The following GLIS1 variants were observed in gnomAD, a reference collection of about 807,000 sequenced individuals.
GLIS1 encodes GLIS family zinc finger 1, also known as zinc finger protein GLIS1.
Under a neutral mutation model 63.8 loss-of-function variants are expected in GLIS1, and 24 were observed. That is an observed-to-expected ratio of 0.38 (90% confidence interval 0.27 to 0.53). The LOEUF is 0.53. GLIS1 is among the 20% of genes least tolerant of loss of function. GLIS1 has a pLI of 0.85. For synonymous variants in GLIS1, 450 were observed against 482.5 expected (o/e 0.93, Z 0.88); for missense variants, 1,036 against 1,074.1 (o/e 0.96, Z 0.50).
chr1:53,667,673 A>G (rs3006906), intron 2 of GLIS1, among the ~76,000 whole-genome samples: 144,347 of 152,284 alleles, frequency 0.95, 68,920 homozygotes, highest in Middle Eastern at 1. Context: ...TTTTCACAGC[A>G]TTTTGAAGGC....
At chr1:53,551,594 C>A (rs966562014) in intron 4 of GLIS1, among the ~76,000 whole-genome samples, 1 of 152,172 alleles carries the variant, frequency 6.6e-6, no homozygotes, top group Non-Finnish European at 1.5e-5. Flanking sequence ...GGGGAACCAA[C>A]AAGAAGCCCC....
At chr1:53,509,360 T>C in intron 9 of GLIS1, 73 bp from the exon 10 acceptor site, 1 of 1,381,402 alleles carries the variant, frequency 7.2e-7, no homozygotes, top group Non-Finnish European at 9.9e-7. Flanking sequence ...ACATCCTTGC[T>C]GCACGCTCCA....
At chr1:53,735,350 T>G (rs539276176) in intron 2 of GLIS1, among the ~76,000 whole-genome samples, 1 of 152,362 alleles carries the variant, frequency 6.6e-6, no homozygotes, top group East Asian at 1.9e-4. Flanking sequence ...TGCCTCCTTC[T>G]ACCTTTTTAG....
At chr1:53,521,572 G>C (rs1167126251) in intron 6 of GLIS1, among the ~76,000 whole-genome samples, 1 of 152,188 alleles carries the variant, frequency 6.6e-6, no homozygotes, top group Non-Finnish European at 1.5e-5. Context: ...ACAGAGTGAC[G>C]ATGGCTGGGG....
At position 53,615,276 on chromosome 1, in the gene GLIS1, C is replaced by T. The variant is rs894648496; in HGVS notation, c.260-14998G>A. Among the ~76,000 whole-genome samples, 10 of 152,172 alleles carry T rather than the reference C, an allele frequency of 6.6e-5. No homozygotes were observed. The South Asian group carries it at 1.0e-3, about 16-fold the overall frequency. ...ACAGGTGCATCCACATGAGATAAGG[C>T]GGCTGGCAGGAGGGCTGTGCAGGGC... On this transcript the variant is annotated intron_variant, in intron 2 of 10. Transcript: ENST00000628545.
At chr1:53,552,403 C>T (rs893639887) in intron 4 of GLIS1, among the ~76,000 whole-genome samples, 1 of 152,226 alleles carries the variant, frequency 6.6e-6, no homozygotes, top group South Asian at 2.1e-4. Context: ...CCTTCCTTCT[C>T]AGGTCTCCCT....
rs1004105609 is a variant in GLIS1 at position 53,646,988 on chromosome 1, G to T, written c.260-46710C>A. Among the ~76,000 whole-genome samples the T allele has an allele frequency of 6.6e-6, 1 of 150,438 alleles. No individual in the cohort carries two copies. The highest frequency in any genetic ancestry group is 2.4e-5 in the African/African-American group (1 of 40,836). On this transcript the variant is annotated intron_variant, in intron 2 of 10. Coordinates refer to ENST00000628545, the MANE Select transcript of GLIS1 (RefSeq NM_001367484.1). The surrounding 1 kb of genome is among the most constrained non-coding windows in gnomAD (Gnocchi z 4.2). The stretch of plus-strand genomic sequence containing the variant: ...AAGGAAGGAAAGGAAGGAAAGGAAG[G>T]AAAGGAAGGAAGGGAGGGATGAAGG...
At chr1:53,692,691 G>C (rs1646419545) in intron 2 of GLIS1, among the ~76,000 whole-genome samples, 1 of 152,226 alleles carries the variant, frequency 6.6e-6, no homozygotes, top group African/African-American at 2.4e-5. Flanking sequence ...CCTGACCCAG[G>C]TGGGGGTGAG....
At chr1:53,592,560 C>T (rs1301974463) in intron 4 of GLIS1, among the ~76,000 whole-genome samples, 1 of 152,210 alleles carries the variant, frequency 6.6e-6, no homozygotes, top group Admixed American at 6.5e-5. Context: ...GGCCTGCGCG[C>T]TGTCTATTGG....
intron 2 of GLIS1, among the ~76,000 whole-genome samples, chr1:53,605,152 AG>A (rs1050745994): frequency 4.6e-5 from 7 of 152,010 alleles, no homozygotes; most frequent in Admixed American, 2.0e-4. Flanking sequence ...GGTGGAGCTG[AG>A]GGTGTGAAAT....
chr1:53,653,895 GC>G (rs1301083397), intron 2 of GLIS1, among the ~76,000 whole-genome samples: 3 of 152,216 alleles, frequency 2.0e-5, no homozygotes, highest in African/African-American at 7.2e-5. Context: ...AGGAAGAAGT[GC>G]TCCCGAAGGA....
At chr1:53,703,782 C>G (rs4927029) in intron 2 of GLIS1, among the ~76,000 whole-genome samples, 34,753 of 151,970 alleles carry the variant, frequency 0.23, 4,064 homozygotes, top group East Asian at 0.28. Flanking sequence ...CCAAGGCATT[C>G]AGAGCCCAGA....
At chr1:53,577,138 C>T (rs4927010) in intron 4 of GLIS1, among the ~76,000 whole-genome samples, 1 of 149,458 alleles carries the variant, frequency 6.7e-6, no homozygotes, top group Admixed American at 6.6e-5. Flanking sequence ...CCTCCCCCCC[C>T]TCCATGCTTC....
intron 4 of GLIS1, among the ~76,000 whole-genome samples, chr1:53,535,036 A>G (rs1025595182): frequency 1.3e-5 from 2 of 152,014 alleles, no homozygotes; most frequent in African/African-American, 4.8e-5. Context: ...AAAAGCAGGG[A>G]GGCTGGAAGA....
At chr1:53,661,635 C>T (rs961060184) in intron 2 of GLIS1, among the ~76,000 whole-genome samples, 6 of 152,108 alleles carry the variant, frequency 3.9e-5, no homozygotes, top group African/African-American at 9.7e-5. Flanking sequence ...CCTAGAAAGG[C>T]GCTGACTCCT....
At chr1:53,620,569 G>A (rs915128981) in intron 2 of GLIS1, among the ~76,000 whole-genome samples, 19 of 152,354 alleles carry the variant, frequency 1.2e-4, no homozygotes, top group Admixed American at 4.6e-4. Flanking sequence ...TCGGCTCCAC[G>A]CACCGTAAAC....
At chr1:53,513,801 G>A (rs1644321673) in intron 8 of GLIS1, among the ~76,000 whole-genome samples, 1 of 152,266 alleles carries the variant, frequency 6.6e-6, no homozygotes, top group African/African-American at 2.4e-5. Context: ...AATAATAGGA[G>A]CAGTGGGCCA....
intron 2 of GLIS1, among the ~76,000 whole-genome samples, chr1:53,679,597 A>G (rs1646253304): frequency 6.6e-6 from 1 of 152,170 alleles, no homozygotes; most frequent in South Asian, 2.1e-4. Context: ...GAGCCCAGGG[A>G]GGGCTACTGA....
chr1:53,562,924 G>C (rs999053291), intron 4 of GLIS1, among the ~76,000 whole-genome samples: 5 of 152,232 alleles, frequency 3.3e-5, no homozygotes, highest in Admixed American at 2.6e-4. Context: ...ATGACGTGTA[G>C]AGTAGCTATC....
Sources: gnomAD v4.1 joint callset for allele counts (sites outside exome capture counted in the v4.1 genomes callset) on GRCh38, gnomAD v4.1.1 for gene constraint, Gnocchi (gnomAD v3.1) non-coding constraint, MANE v1.5 for transcripts, NCBI Gene and HGNC (gene_info 2026-07-23, HGNC 2026-07-21) for gene names.